The following MGAT5B variants were observed in gnomAD, a reference collection of about 807,000 sequenced individuals.
MGAT5B encodes the protein N-acetylglucosaminyl-transferase Vb.
A neutral mutation model predicts 95.1 loss-of-function variants in MGAT5B; 54 were observed. That is an observed-to-expected ratio of 0.57 (90% CI 0.46 to 0.71). MGAT5B has a LOEUF of 0.71. Ranked by LOEUF, MGAT5B falls within the 30% of genes least tolerant of loss-of-function variation. The probability of loss-of-function intolerance (pLI) is 0.00; values close to 1 mark genes in which losing one functional copy is unlikely to be tolerated. For missense variants in MGAT5B, 935 were observed against 1,088.6 expected (o/e 0.86, Z 1.99); for synonymous variants, 464 against 451.0 (o/e 1.03, Z -0.36).
chr17:76,872,209 G>A (rs1157037483), intron 1 of MGAT5B, among the ~76,000 whole-genome samples: 1 of 152,166 alleles, frequency 6.6e-6, no homozygotes, highest in African/African-American at 2.4e-5. Context: ...CTGGGCATGG[G>A]CCGTGTGGCT....
intron 3 of MGAT5B, among the ~76,000 whole-genome samples, chr17:76,898,325 TC>T (rs1968173974): frequency 1.5e-5 from 2 of 132,342 alleles, no homozygotes; most frequent in African/African-American, 3.2e-5. Flanking sequence ...GAGTACATAA[TC>T]TTTTTATTTT....
At position 76,915,855 on chromosome 17, in the gene MGAT5B, GA is replaced by G. The variant is rs1373754918; in HGVS notation, c.1026-9110del. Among the ~76,000 whole-genome samples the G allele has an allele frequency of 6.6e-6, 1 of 152,186 alleles. No homozygotes were observed. The highest frequency in any genetic ancestry group is 1.5e-5 in the Non-Finnish European group (1 of 68,032). ...CATTTTAACCTCCTGGCTGAGCGGG[GA>G]GCGAGCGCAGGAGCACACATCCCAG... On this transcript the variant is annotated intron_variant, in intron 8 of 17. Coordinates refer to ENST00000569840, the MANE Select transcript of MGAT5B (RefSeq NM_001199172.2). The surrounding 1 kb of genome is among the most constrained non-coding windows in gnomAD (Gnocchi z 8.7).
intron 3 of MGAT5B, chr17:76,882,660 C>A (rs2145136287): frequency 3.1e-5 from 5 of 160,372 alleles, no homozygotes; most frequent in East Asian, 1.7e-4. Flanking sequence ...GTGATTTTAA[C>A]AAATTCCATG....
rs1370697189 is a variant in MGAT5B, at chr17:76,902,600, C to T, written c.375C>T (p.Ala125=). 2 of 1,603,926 alleles carry T rather than the reference C, an allele frequency of 1.2e-6. No individual in the cohort carries two copies. Among genetic ancestry groups the T allele is most frequent in the Admixed American group, 3.4e-5 (2 of 59,196 alleles). ...TCATGGAGCGGATCCAGGCTATTGCCCAGAACGTCTCCGACATCGCTGTGA... is the reference window on the plus strand; with the variant it reads ...TCATGGAGCGGATCCAGGCTATTGCTCAGAACGTCTCCGACATCGCTGTGA... ...AGLMERIQAI[A]QNVSDIAVKV... Residue 125 remains alanine (A), a synonymous_variant, in exon 4 of 18, where the codon GCC becomes GCT. Transcript: ENST00000569840.
At chr17:76,939,970 T>C (rs550996963) in intron 13 of MGAT5B, among the ~76,000 whole-genome samples, 19 of 152,294 alleles carry the variant, frequency 1.2e-4, no homozygotes, top group African/African-American at 4.1e-4. Context: ...GTAAATAGCC[T>C]CACACAAGTT....
intron 8 of MGAT5B, chr17:76,913,645 T>C (rs780750190): frequency 2.8e-5 from 14 of 498,986 alleles, no homozygotes; most frequent in African/African-American, 2.3e-4. Context: ...TTGGGAAATA[T>C]CAACACAGAA....
chr17:76,904,164 C>T, intron 5 of MGAT5B, 88 bp from the exon 6 acceptor site: 1 of 1,371,782 alleles, frequency 7.3e-7, no homozygotes, highest in Admixed American at 2.2e-5. Flanking sequence ...TCCTTGACCT[C>T]AGGACCCCTG....
intron 9 of MGAT5B, among the ~76,000 whole-genome samples, chr17:76,926,315 A>G (rs1423741472): frequency 6.6e-6 from 1 of 152,162 alleles, no homozygotes; most frequent in Non-Finnish European, 1.5e-5. Flanking sequence ...AATGGCTACA[A>G]TTCCTGAGTG....
intron 2 of MGAT5B, among the ~76,000 whole-genome samples, chr17:76,878,768 C>T (rs1967293201): frequency 6.6e-6 from 1 of 152,258 alleles, no homozygotes; most frequent in Non-Finnish European, 1.5e-5. Flanking sequence ...AGCCACTGCA[C>T]CTGGCCTGCT....
Position 76,882,173 on chromosome 17 carries a change from C to T in MGAT5B, c.204C>T (p.Arg68=), listed in dbSNP as rs376780333. 36 of 1,612,018 alleles carry T rather than the reference C, an allele frequency of 2.2e-5. No homozygotes were observed. The highest frequency in any genetic ancestry group is 3.3e-5 in the Admixed American group (2 of 59,914). ...RTEVMGGPES[R]GVLRKMSDLL... ...CAGTGATGGGGGGCCCCGAGTCCCG[C>T]GGCGTCCTGCGCAAGATGAGCGACC... The change falls in exon 3 of 18, where the codon CGC becomes CGT. Residue 68 remains arginine, a synonymous_variant. Coordinates refer to ENST00000569840, the MANE Select transcript of MGAT5B (RefSeq NM_001199172.2).
intron 10 of MGAT5B, among the ~76,000 whole-genome samples, chr17:76,927,045 G>A (rs1028381505): frequency 2.6e-5 from 4 of 152,184 alleles, no homozygotes; most frequent in African/African-American, 7.2e-5. Flanking sequence ...GGGGGACTCC[G>A]CGGCCTTCCA....
At chr17:76,942,187 C>T (rs1391031762) in intron 15 of MGAT5B, among the ~76,000 whole-genome samples, 1 of 152,198 alleles carries the variant, frequency 6.6e-6, no homozygotes, top group Non-Finnish European at 1.5e-5. Context: ...AGTGTTGTCC[C>T]CTGTCCTGGG....
chr17:76,943,687 C>T lies in MGAT5B; in HGVS notation c.1849-2689C>T, dbSNP rs572445068. Among the ~76,000 whole-genome samples, 9 of 152,040 alleles carry T rather than the reference C, an allele frequency of 5.9e-5. No homozygotes were observed. In the East Asian group the frequency reaches 9.7e-4, roughly 16 times the overall value. ...AACTCCTGGGCACAAGCAATCCTCC[C>T]GCCTCGGCCTCCCAAAGAGCTGGGA... On this transcript the variant is annotated intron_variant, in intron 15 of 17. Coordinates refer to ENST00000569840, the MANE Select transcript of MGAT5B (RefSeq NM_001199172.2).
In MGAT5B at chr17:76,948,924, C is replaced by A; in HGVS notation, c.*86C>A. The A allele has an allele frequency of 7.2e-7, 1 of 1,397,072 alleles. No individual in the cohort carries two copies. Among genetic ancestry groups the A allele is most frequent in the Non-Finnish European group, 9.6e-7 (1 of 1,040,024 alleles). 86.5% of individuals were successfully genotyped at this position (1,397,072 alleles called of 1,614,324 possible). A position where few individuals can be genotyped will look rare whatever the true frequency, so the allele number is the denominator to read the frequency against. On this transcript the variant is annotated 3_prime_UTR_variant, in exon 18 of 18. Transcript: ENST00000569840. ...ACCAGCAGGTTCTGAGCCCTGGCTG[C>A]TTGTCCTCCTCGCAACCCCCCCAGG...
chr17:76,925,104 G>C lies in MGAT5B; in HGVS notation c.1157+7G>C. The C allele has an allele frequency of 6.2e-7, 1 of 1,610,736 alleles. No homozygotes were observed. The highest frequency in any genetic ancestry group is 8.5e-7 in the Non-Finnish European group (1 of 1,179,202). ...TCTCCTTCAAGAAGTACCGGTGAGA[G>C]GGCGGCCAGAGGGTGGGCACGTGGC... On this transcript the variant is annotated splice_region_variant and intron_variant, in intron 9 of 17. Transcript: ENST00000569840.
At chr17:76,898,677 G>A (rs1027063621) in intron 3 of MGAT5B, among the ~76,000 whole-genome samples, 5 of 152,212 alleles carry the variant, frequency 3.3e-5, no homozygotes, top group Non-Finnish European at 7.3e-5. Context: ...GCACATAGCA[G>A]TAGCTTAGTA....
chr17:76,904,437 T>G lies in MGAT5B; in HGVS notation c.690+15T>G. 3.2e-6 allele frequency: 5 copies of G among 1,549,758 alleles called. No individual in the cohort carries two copies. Among genetic ancestry groups the G allele is most frequent in the Non-Finnish European group, 4.4e-6 (5 of 1,148,042 alleles). On this transcript the variant is annotated intron_variant, in intron 6 of 17. Coordinates refer to ENST00000569840, the MANE Select transcript of MGAT5B (RefSeq NM_001199172.2). Reference sequence around the variant, plus strand: ...CCAAAGTCCAGGTGGGCCTGGGAGGTGGGTGGGCCGGTGAGGGGCTGGTGT... The same window carrying G: ...CCAAAGTCCAGGTGGGCCTGGGAGGGGGGTGGGCCGGTGAGGGGCTGGTGT...
chr17:76,907,941 C>T (rs770815185), intron 8 of MGAT5B, among the ~76,000 whole-genome samples: 5 of 152,224 alleles, frequency 3.3e-5, no homozygotes, highest in Non-Finnish European at 5.9e-5. Flanking sequence ...AGATAATGGG[C>T]TGAGCATCCT....
intron 11 of MGAT5B, among the ~76,000 whole-genome samples, chr17:76,933,040 C>T (rs1334344283): frequency 1.3e-5 from 2 of 152,214 alleles, no homozygotes; most frequent in Admixed American, 1.3e-4. Flanking sequence ...TTCCACCCTT[C>T]CAAGAAACAG....
Sources: allele counts gnomAD v4.1 joint callset (sites outside exome capture counted in the v4.1 genomes callset), GRCh38; gene constraint gnomAD v4.1.1; non-coding constraint Gnocchi (gnomAD v3.1); transcripts MANE v1.5; gene names NCBI Gene and HGNC (gene_info 2026-07-23, HGNC 2026-07-21).